Variants in KCNJ9 observed in about 807,000 individuals in gnomAD.
KCNJ9 encodes potassium inwardly rectifying channel subfamily J member 9.
KCNJ9 carries 18 observed loss-of-function variants against 27.9 expected under a neutral mutation model. The observed-to-expected ratio is 0.65, with a 90% CI of 0.45 to 0.96. The LOEUF is 0.96. Ranked by LOEUF, KCNJ9 falls within the 40% of genes least tolerant of loss-of-function variation. The probability of loss-of-function intolerance (pLI) is 0.00; values close to 1 mark genes in which losing one functional copy is unlikely to be tolerated. For missense variants in KCNJ9, 324 were observed against 557.5 expected (o/e 0.58, Z 4.22); for synonymous variants, 229 against 248.2 (o/e 0.92, Z 0.73).
chr1:160,087,442 A>G, intron 2 of KCNJ9, 44 bp from the exon 3 acceptor site: 1 of 1,549,576 alleles, frequency 6.5e-7, no homozygotes. Flanking sequence ...AGGAGAGGGA[A>G]GCCTGGAGCT....
At chr1:160,086,783 G>A (rs377523370) in intron 2 of KCNJ9, among the ~76,000 whole-genome samples, 9 of 152,310 alleles carry the variant, frequency 5.9e-5, no homozygotes, top group South Asian at 2.1e-4. Flanking sequence ...CACGGAGCAG[G>A]CCACAGTTGG....
chr1:160,086,761 C>T (rs1444212816), intron 2 of KCNJ9, among the ~76,000 whole-genome samples: 5 of 152,156 alleles, frequency 3.3e-5, no homozygotes, highest in Admixed American at 6.5e-5. Flanking sequence ...AGATGGTGCG[C>T]GCTCTCTTAT....
At position 160,084,585 on chromosome 1, in the gene KCNJ9, C is replaced by T. The variant is rs547022645; in HGVS notation, c.555C>T (p.Arg185=). The T allele has an allele frequency of 1.2e-6, 2 of 1,610,886 alleles. No homozygotes were observed. Among genetic ancestry groups the T allele is most frequent in the South Asian group, 1.1e-5 (1 of 90,710 alleles). The stretch of plus-strand genomic sequence containing the variant: ...CCGTGGTGTCGCTGCGCGACGGGCG[C>T]CTCTGCCTCATGTTCCGCGTGGGCG... The part of the protein sequence containing the change: ...SHAVVSLRDG[R]LCLMFRVGDL... Residue 185 remains arginine, a synonymous_variant, in exon 2 of 3, where the codon CGC becomes CGT. Coordinates refer to ENST00000368088, the MANE Select transcript of KCNJ9 (RefSeq NM_004983.3).
intron 2 of KCNJ9, among the ~76,000 whole-genome samples, chr1:160,086,834 G>T (rs1052191116): frequency 6.6e-6 from 1 of 152,214 alleles, no homozygotes; most frequent in Non-Finnish European, 1.5e-5. Flanking sequence ...GCCCTCCTTG[G>T]CCATTCTGGC....
Position 160,089,931 on chromosome 1 carries a change from T to G in KCNJ9, c.*2114T>G, listed in dbSNP as rs1225221455. ...TCTTCTCTGTTCCAGGCTGGGCAGA[T>G]AGGGTCCTATGGGGCACAGCCAGGG... On this transcript the variant is annotated 3_prime_UTR_variant, in exon 3 of 3. Transcript: ENST00000368088. The G allele has an allele frequency of 1.3e-5, 2 of 152,264 alleles. No homozygotes were observed. The highest frequency in any genetic ancestry group is 3.9e-4 in the East Asian group (2 of 5,178). The allele number at this position is 152,264 out of a possible 1,614,324, so 9.4% of individuals were successfully genotyped here.
chr1:160,082,519 A>C (rs1318938213), intron 1 of KCNJ9, among the ~76,000 whole-genome samples: 5 of 151,480 alleles, frequency 3.3e-5, no homozygotes, highest in Non-Finnish European at 7.4e-5. Flanking sequence ...ACACACACAC[A>C]CCCTCTCCAG....
Position 160,083,938 on chromosome 1 carries a change from C to G in KCNJ9, c.-93C>G. 2 of 1,147,392 alleles carry G rather than the reference C, an allele frequency of 1.7e-6. No individual in the cohort carries two copies. Among genetic ancestry groups the G allele is most frequent in the Admixed American group, 4.6e-5 (1 of 21,932 alleles). The allele number at this position is 1,147,392 out of a possible 1,614,324, so 71.1% of individuals were successfully genotyped here. A position where few individuals can be genotyped will look rare whatever the true frequency, so the allele number is the denominator to read the frequency against. On this transcript the variant is annotated 5_prime_UTR_variant, in exon 2 of 3. Transcript: ENST00000368088. Reference sequence around the variant, plus strand: ...TAAGCCCCTCCAGGACCCCCGACGCCGCCTAGGCGCCCAGCGACGCGCGGC... The same window carrying G: ...TAAGCCCCTCCAGGACCCCCGACGCGGCCTAGGCGCCCAGCGACGCGCGGC...
rs1452965456 is a variant in KCNJ9, at chr1:160,084,516, G to A, written c.486G>A (p.Ser162=). The A allele has an allele frequency of 1.2e-6, 2 of 1,613,040 alleles. No individual in the cohort carries two copies. Among genetic ancestry groups the A allele is most frequent in the Non-Finnish European group, 1.7e-6 (2 of 1,179,716 alleles). ...FMVGCMFVKI[S]QPNKRAATLV... ...TGGGCTGCATGTTCGTCAAGATCTC[G>A]CAGCCCAACAAGCGCGCAGCCACGC... Residue 162 remains serine (S), a synonymous_variant, in exon 2 of 3, where the codon TCG becomes TCA. Transcript: ENST00000368088.
At position 160,088,462 on chromosome 1, in the gene KCNJ9, G is replaced by A. The variant is rs2753268; in HGVS notation, c.*645G>A. ...GCTCCACCCTCACCAGGATGAAGGCGTGCAAGGGGCTCAGCAAGGTGTGAA... is the reference window on the plus strand; with the variant it reads ...GCTCCACCCTCACCAGGATGAAGGCATGCAAGGGGCTCAGCAAGGTGTGAA... On this transcript the variant is annotated 3_prime_UTR_variant, in exon 3 of 3. Transcript: ENST00000368088. 33,289 of 152,368 alleles carry A rather than the reference G, an allele frequency of 0.22. 4,488 individuals are homozygous for A. The highest frequency in any genetic ancestry group is 0.29 in the Non-Finnish European group (19,585 of 68,100). 9.4% of individuals were successfully genotyped at this position (152,368 alleles called of 1,614,324 possible).
At chr1:160,087,342 G>T (rs530092251) in intron 2 of KCNJ9, 144 bp from the exon 3 acceptor site, 12 of 1,264,172 alleles carry the variant, frequency 9.5e-6, no homozygotes, top group Middle Eastern at 2.2e-4. Context: ...AGCTAGGGAG[G>T]GGGGGAAATG....
Position 160,087,832 on chromosome 1 carries a change from A to C in KCNJ9, c.*15A>C. 1 of 1,439,936 alleles carries C rather than the reference A, an allele frequency of 6.9e-7. No individual in the cohort carries two copies. The highest frequency in any genetic ancestry group is 9.1e-7 in the Non-Finnish European group (1 of 1,097,038). 89.2% of individuals were successfully genotyped at this position (1,439,936 alleles called of 1,614,324 possible). A position where few individuals can be genotyped will look rare whatever the true frequency, so the allele number is the denominator to read the frequency against. ...CCAAGGTGTGACCAGCTTCCTCCAG[A>C]CCCCTGTGGCAGACCGGGGGCCAGA... On this transcript the variant is annotated 3_prime_UTR_variant, in exon 3 of 3. Transcript: ENST00000368088.
rs1649850579 is a variant in KCNJ9 at position 160,089,439 on chromosome 1, A to C, written c.*1622A>C. ...GAGATGAAGCCATCAGAAGGACTTG[A>C]GGGGGCTCCTGGGGAGGTCGGGGGG... is the stretch of plus-strand genomic sequence containing the variant. On this transcript the variant is annotated 3_prime_UTR_variant, in exon 3 of 3. Transcript: ENST00000368088. 1 of 150,736 alleles carries C rather than the reference A, an allele frequency of 6.6e-6. No homozygotes were observed. The highest frequency in any genetic ancestry group is 2.0e-4 in the East Asian group (1 of 5,088). 9.3% of individuals were successfully genotyped at this position (150,736 alleles called of 1,614,324 possible).
In KCNJ9 at chr1:160,088,016, A is replaced by T; in HGVS notation, c.*199A>T. The T allele has an allele frequency of 2.2e-6, 1 of 455,722 alleles. No individual in the cohort carries two copies. The highest frequency in any genetic ancestry group is 4.1e-5 in the Admixed American group (1 of 24,314). The allele number at this position is 455,722 out of a possible 1,614,324, so 28.2% of individuals were successfully genotyped here. On this transcript the variant is annotated 3_prime_UTR_variant, in exon 3 of 3. Coordinates refer to ENST00000368088, the MANE Select transcript of KCNJ9 (RefSeq NM_004983.3). ...AGGGAGGGGTCCTGATTTCAGGGAA[A>T]TGGAGGGTGGGGCCGGGTGAAAATG...
At chr1:160,082,143 T>C (rs146668463) in intron 1 of KCNJ9, among the ~76,000 whole-genome samples, 2 of 152,316 alleles carry the variant, frequency 1.3e-5, no homozygotes, top group East Asian at 3.9e-4. Context: ...TCCTTCCCCA[T>C]CCCTGGGCAG....
In KCNJ9 at chr1:160,090,338, C is replaced by T. The variant is rs1649875833; in HGVS notation, c.*2521C>T. 6.5e-6 allele frequency: 1 copy of T among 152,750 alleles called. No homozygotes were observed. The highest frequency in any genetic ancestry group is 6.5e-5 in the Admixed American group (1 of 15,282). 9.5% of individuals were successfully genotyped at this position (152,750 alleles called of 1,614,324 possible). ...GAAACTCAGTCTGGAAAGGCCCCTC[C>T]TGCCTGCTGAAGTCACTGAGACCCT... is the stretch of plus-strand genomic sequence containing the variant. On this transcript the variant is annotated 3_prime_UTR_variant, in exon 3 of 3. Coordinates refer to ENST00000368088, the MANE Select transcript of KCNJ9 (RefSeq NM_004983.3).
intron 1 of KCNJ9, among the ~76,000 whole-genome samples, chr1:160,083,459 G>T (rs1356722257): frequency 6.6e-6 from 1 of 152,154 alleles, no homozygotes; most frequent in East Asian, 1.9e-4. Flanking sequence ...AGAGCCATTG[G>T]TGGCTGCACT....
At position 160,084,011 on chromosome 1, in the gene KCNJ9, C is replaced by G. The variant is rs2101945347; in HGVS notation, c.-20C>G. ...CGCCGCACTCCAGGCGCCCGCAGCG[C>G]TCGCCCTGACGCGGCCGCCATGGCG... On this transcript the variant is annotated 5_prime_UTR_variant, in exon 2 of 3. Coordinates refer to ENST00000368088, the MANE Select transcript of KCNJ9 (RefSeq NM_004983.3). 1.5e-6 allele frequency: 2 copies of G among 1,339,078 alleles called. No individual in the cohort carries two copies. The highest frequency in any genetic ancestry group is 6.0e-5 in the East Asian group (2 of 33,200). 82.9% of individuals were successfully genotyped at this position (1,339,078 alleles called of 1,614,324 possible).
At chr1:160,082,080 T>A (rs1368430380) in intron 1 of KCNJ9, among the ~76,000 whole-genome samples, 1 of 152,176 alleles carries the variant, frequency 6.6e-6, no homozygotes, top group East Asian at 1.9e-4. Context: ...TTTACCTAGA[T>A]CCCTGGGGCA....
At chr1:160,083,884 G>A in intron 1 of KCNJ9, 33 bp from the exon 2 acceptor site, 1 of 679,278 alleles carries the variant, frequency 1.5e-6, no homozygotes, top group African/African-American at 1.9e-5. Flanking sequence ...CCCATCTCCC[G>A]AGGGGCCACT....
Sources: gnomAD v4.1 joint callset for allele counts (sites outside exome capture counted in the v4.1 genomes callset) on GRCh38, gnomAD v4.1.1 for gene constraint, MANE v1.5 for transcripts, NCBI Gene and HGNC (gene_info 2026-07-23, HGNC 2026-07-21) for gene names.